The following WWOX variants were observed in gnomAD, a reference collection of about 807,000 sequenced individuals.
WWOX encodes the protein WW domain containing oxidoreductase, also known as WW domain-containing oxidoreductase.
A neutral mutation model predicts 46.2 loss-of-function variants in WWOX; 69 were observed. The observed-to-expected ratio is 1.49, with a 90% confidence interval of 1.23 to 1.82. The LOEUF (loss-of-function observed/expected upper bound fraction) is 1.82, where lower values mean the gene tolerates loss of function less well. WWOX is among the 40% of genes most tolerant of loss of function. The pLI is 0.00. For synonymous variants in WWOX, 359 were observed against 202.6 expected, an observed-to-expected ratio of 1.77 and a Z score of -6.56; for missense variants, 919 against 542.6, an observed-to-expected ratio of 1.69 and a Z score of -6.89.
intron 1 of WWOX, among the ~76,000 whole-genome samples, chr16:78,103,686 TTTTCTC>T (rs2031950131): frequency 6.6e-6 from 1 of 152,134 alleles, no homozygotes; most frequent in Non-Finnish European, 1.5e-5. Flanking sequence ...TGACACTTGT[TTTTCTC>T]TTGGGGTTTG....
intron 8 of WWOX, among the ~76,000 whole-genome samples, chr16:78,566,099 C>A (rs964629288): frequency 6.6e-6 from 1 of 152,092 alleles, no homozygotes; most frequent in African/African-American, 2.4e-5. Context: ...TTTCTGGTTC[C>A]CAGATGGATG....
At chr16:78,478,994 G>C (rs1299030141) in intron 8 of WWOX, among the ~76,000 whole-genome samples, 1 of 151,816 alleles carries the variant, frequency 6.6e-6, no homozygotes, top group South Asian at 2.1e-4. Context: ...TCTGTATTAT[G>C]ATCAACAAGG....
rs183554131 is a variant in WWOX, at chr16:78,377,186, A to G, written c.517-9674A>G. Among the ~76,000 whole-genome samples, 172 of 152,340 alleles carry G rather than the reference A, an allele frequency of 1.1e-3. 2 individuals are homozygous for G. Among genetic ancestry groups the G allele is most frequent in the African/African-American group, 3.7e-3 (155 of 41,576 alleles). Reference sequence around the variant, plus strand: ...TGTTGAGAATGTAATTATGCAGTAAATTAGCTGATGTCCAGTACGTTGCCT... The same window carrying G: ...TGTTGAGAATGTAATTATGCAGTAAGTTAGCTGATGTCCAGTACGTTGCCT... On this transcript the variant is annotated intron_variant, in intron 5 of 8. Coordinates refer to ENST00000566780, the MANE Select transcript of WWOX (RefSeq NM_016373.4).
intron 8 of WWOX, among the ~76,000 whole-genome samples, chr16:79,133,502 A>G (rs1433120299): frequency 6.6e-6 from 1 of 152,186 alleles, no homozygotes; most frequent in Non-Finnish European, 1.5e-5. Context: ...GGTGGTTCTC[A>G]TTTTAGTATA....
chr16:78,915,127 C>G (rs1597144915), intron 8 of WWOX, among the ~76,000 whole-genome samples: 1 of 152,118 alleles, frequency 6.6e-6, no homozygotes, highest in South Asian at 2.1e-4. Context: ...AGCTTGGACT[C>G]CTGCTGCAAT....
chr16:79,198,152 C>A (rs545795171), intron 8 of WWOX, among the ~76,000 whole-genome samples: 4 of 150,288 alleles, frequency 2.7e-5, no homozygotes, highest in African/African-American at 9.9e-5. Flanking sequence ...TGGTGAAACC[C>A]CGTCTCTACT....
In WWOX at chr16:78,643,613, TGCTTATAAG is replaced by T. The variant is rs1206291471; in HGVS notation, c.1056+210865_1056+210873del. 2.0e-5 allele frequency among the ~76,000 whole-genome samples: 3 copies of T among 152,314 alleles called. No individual in the cohort carries two copies. In the East Asian group the frequency reaches 5.8e-4, roughly 29 times the overall value. ...AGGTTAATCAGCCACGCGCTGAATC[TGCTTATAAG>T]GCTGTTTCATGTATGATTTTTATAT... is the stretch of plus-strand genomic sequence containing the variant. On this transcript the variant is annotated intron_variant, in intron 8 of 8. Coordinates refer to ENST00000566780, the MANE Select transcript of WWOX (RefSeq NM_016373.4).
intron 8 of WWOX, among the ~76,000 whole-genome samples, chr16:79,182,111 G>C (rs2050924156): frequency 6.8e-6 from 1 of 147,336 alleles, no homozygotes. Flanking sequence ...ACACCAGCCA[G>C]CTGGAGACAT....
chr16:78,326,566 G>A (rs1321381346), intron 5 of WWOX, among the ~76,000 whole-genome samples: 1 of 22,696 alleles, frequency 4.4e-5, no homozygotes, highest in Admixed American at 5.4e-4. Context: ...ATTTCTGCCT[G>A]CCCTCCCCCC....
chr16:79,035,341 C>A (rs1226347342), intron 8 of WWOX, among the ~76,000 whole-genome samples: 1 of 152,148 alleles, frequency 6.6e-6, no homozygotes, highest in East Asian at 1.9e-4. Context: ...GAGTTCTAGA[C>A]TGTCTAGAAT....
At chr16:78,957,273 T>A (rs2046186356) in intron 8 of WWOX, among the ~76,000 whole-genome samples, 2 of 152,230 alleles carry the variant, frequency 1.3e-5, no homozygotes, top group East Asian at 3.8e-4. Context: ...GATACCGACA[T>A]GCGTGACGAC....
At chr16:78,889,260 A>G (rs183230035) in intron 8 of WWOX, among the ~76,000 whole-genome samples, 2 of 152,208 alleles carry the variant, frequency 1.3e-5, no homozygotes, top group African/African-American at 4.8e-5. Context: ...TCATTTATAT[A>G]TTGTTCATAT....
chr16:79,102,834 T>C (rs1332161238), intron 8 of WWOX, among the ~76,000 whole-genome samples: 1 of 152,182 alleles, frequency 6.6e-6, no homozygotes, highest in African/African-American at 2.4e-5. Context: ...GTGGCATTCT[T>C]TTCTGGTCTT....
At chr16:78,762,907 GTTA>G (rs1438447278) in intron 8 of WWOX, among the ~76,000 whole-genome samples, 1 of 152,186 alleles carries the variant, frequency 6.6e-6, no homozygotes, top group African/African-American at 2.4e-5. Context: ...TTTGGTAAGT[GTTA>G]TTATTGAAGG....
At chr16:78,485,610 A>G (rs2084614755) in intron 8 of WWOX, among the ~76,000 whole-genome samples, 1 of 152,194 alleles carries the variant, frequency 6.6e-6, no homozygotes, top group Non-Finnish European at 1.5e-5. Flanking sequence ...CACAGCACGC[A>G]TTTGTTCAGC....
chr16:78,524,823 T>TTG (rs1170989197), intron 8 of WWOX, among the ~76,000 whole-genome samples: 1 of 150,296 alleles, frequency 6.7e-6, no homozygotes, highest in African/African-American at 2.4e-5. Context: ...TTTATGGGTT[T>TTG]TTTTTTTTTT....
At chr16:78,651,135 G>A (rs572134158) in intron 8 of WWOX, among the ~76,000 whole-genome samples, 2 of 152,316 alleles carry the variant, frequency 1.3e-5, no homozygotes, top group Admixed American at 6.5e-5. Flanking sequence ...TTCCTCAGTT[G>A]GGATCAGAAG....
intron 5 of WWOX, among the ~76,000 whole-genome samples, chr16:78,264,017 T>A (rs7359395): frequency 7.2e-6 from 1 of 139,292 alleles, no homozygotes; most frequent in African/African-American, 2.7e-5. Flanking sequence ...TTTTTTTTTG[T>A]TTTTTTGCTG....
rs574586871 is a variant in WWOX, at chr16:78,394,160, A to C, written c.605+7212A>C. On this transcript the variant is annotated intron_variant, in intron 6 of 8. Transcript: ENST00000566780. The stretch of plus-strand genomic sequence containing the variant: ...TTTTTCTCCCTAGCTCGGTTTTAAG[A>C]ATAATGTTTTAGCCAACATATCTGC... 1.7e-3 allele frequency among the ~76,000 whole-genome samples: 262 copies of C among 152,172 alleles called. 1 individual carries two copies. Among genetic ancestry groups the C allele is most frequent in the Non-Finnish European group, 3.2e-3 (216 of 68,032 alleles).
Sources: allele counts gnomAD v4.1 joint callset (sites outside exome capture counted in the v4.1 genomes callset), GRCh38; gene constraint gnomAD v4.1.1; transcripts MANE v1.5; gene names NCBI Gene and HGNC (gene_info 2026-07-23, HGNC 2026-07-21).